SLC38A12: variants seen among roughly 807,000 people sequenced by gnomAD.
The protein encoded by SLC38A12 is solute carrier family 38 member 12.
At chr17:74,804,297 C>T in the SLC38A12 span, among the ~76,000 whole-genome samples, 1 of 152,280 alleles carries the variant, frequency 6.6e-6, no homozygotes, top group Non-Finnish European at 1.5e-5. Flanking sequence ...TTCGTGTGGC[C>T]AGTGTCCCAG....
the SLC38A12 span, among the ~76,000 whole-genome samples, chr17:74,786,483 C>T: frequency 2.6e-5 from 4 of 152,148 alleles, no homozygotes; most frequent in African/African-American, 9.7e-5. Context: ...GAAGTGACAG[C>T]GAGCAGTGAA....
At chr17:74,811,878 TA>T in the SLC38A12 span, among the ~76,000 whole-genome samples, 9 of 150,932 alleles carry the variant, frequency 6.0e-5, no homozygotes, top group African/African-American at 2.2e-4. Context: ...GCAAAAAAAA[TA>T]ATAATAATAA....
chr17:74,785,810 C>T, the SLC38A12 span: 2 of 558,942 alleles, frequency 3.6e-6, no homozygotes, highest in East Asian at 6.4e-5. Context: ...AGCGGTTGCA[C>T]AGCCCTGATC....
At chr17:74,790,315 G>C in the SLC38A12 span, 2 of 1,609,484 alleles carry the variant, frequency 1.2e-6, no homozygotes, top group Non-Finnish European at 1.7e-6. Flanking sequence ...TGGGGTTCTC[G>C]CGGGCCCGCA....
the SLC38A12 span, among the ~76,000 whole-genome samples, chr17:74,788,093 C>T: frequency 1.3e-5 from 2 of 152,178 alleles, no homozygotes; most frequent in Non-Finnish European, 2.9e-5. Context: ...CGCCCCTGGC[C>T]TCAAGTTTCT....
At chr17:74,795,174 C>T in the SLC38A12 span, 2 of 1,360,574 alleles carry the variant, frequency 1.5e-6, no homozygotes, top group Non-Finnish European at 2.1e-6. Flanking sequence ...CAAGTCAGGG[C>T]AGAGTGTCCA....
At chr17:74,804,021 C>T in the SLC38A12 span, among the ~76,000 whole-genome samples, 1 of 152,276 alleles carries the variant, frequency 6.6e-6, no homozygotes, top group African/African-American at 2.4e-5. Flanking sequence ...ATATTTTGTG[C>T]TAACTAAAAT....
chr17:74,794,208 G>A, the SLC38A12 span, among the ~76,000 whole-genome samples: 3 of 152,208 alleles, frequency 2.0e-5, no homozygotes, highest in African/African-American at 7.2e-5. Context: ...TCACCCTTAC[G>A]GGTTTGGAGA....
At chr17:74,790,989 C>G in the SLC38A12 span, 8 of 1,613,882 alleles carry the variant, frequency 5.0e-6, no homozygotes. Flanking sequence ...TTTGAAATCA[C>G]AGACCGGGTG....
chr17:74,821,874 C>T, the SLC38A12 span, among the ~76,000 whole-genome samples: 5 of 152,162 alleles, frequency 3.3e-5, no homozygotes, highest in South Asian at 2.1e-4. Flanking sequence ...GAAAGGGCCC[C>T]GTGGGCACTG....
the SLC38A12 span, chr17:74,791,131 C>A: frequency 9.0e-7 from 1 of 1,112,228 alleles, no homozygotes; most frequent in Non-Finnish European, 1.3e-6. Flanking sequence ...ACCCTGACAG[C>A]CAGACCATGG....
At chr17:74,806,041 C>T in the SLC38A12 span, among the ~76,000 whole-genome samples, 2 of 152,210 alleles carry the variant, frequency 1.3e-5, no homozygotes, top group Admixed American at 6.5e-5. Context: ...CACATCACCA[C>T]CAATGAATGT....
At chr17:74,786,705 CTGAA>C in the SLC38A12 span, among the ~76,000 whole-genome samples, 1 of 152,160 alleles carries the variant, frequency 6.6e-6, no homozygotes, top group Non-Finnish European at 1.5e-5. Context: ...GTACAGGAAG[CTGAA>C]TGGGATAGGA....
the SLC38A12 span, among the ~76,000 whole-genome samples, chr17:74,786,346 G>A: frequency 1.5e-5 from 1 of 65,866 alleles, no homozygotes; most frequent in East Asian, 4.8e-4. Flanking sequence ...ATGGGAAGGA[G>A]CACCTGGAAA....
At chr17:74,836,219 C>A in the SLC38A12 span, 2 of 1,611,778 alleles carry the variant, frequency 1.2e-6, no homozygotes, top group Non-Finnish European at 1.7e-6. This position sits in a 1 kb window ranked among gnomAD's most constrained non-coding sequence, Gnocchi z 4.2. Context: ...ACACCCTCAA[C>A]TTCGCGCGCT....
chr17:74,786,402 C>A, the SLC38A12 span, among the ~76,000 whole-genome samples: 1 of 152,218 alleles, frequency 6.6e-6, no homozygotes, highest in Admixed American at 6.5e-5. Flanking sequence ...CACCAAGCAC[C>A]CTTCTGGGTA....
chr17:74,824,074 G>A, the SLC38A12 span, among the ~76,000 whole-genome samples: 1 of 152,150 alleles, frequency 6.6e-6, no homozygotes, highest in Non-Finnish European at 1.5e-5. Flanking sequence ...ATGAGACTGG[G>A]GACATGACCT....
At chr17:74,795,078 C>A in the SLC38A12 span, 1 of 1,614,194 alleles carries the variant, frequency 6.2e-7, no homozygotes, top group Non-Finnish European at 8.5e-7. Context: ...ATCTATGCTG[C>A]TGCCGTGCCC....
At chr17:74,807,956 G>C in the SLC38A12 span, among the ~76,000 whole-genome samples, 2 of 152,216 alleles carry the variant, frequency 1.3e-5, no homozygotes, top group Admixed American at 6.5e-5. Context: ...GTGAAGAGCC[G>C]GGCTGTCCTC....
Sources: allele counts gnomAD v4.1 joint callset (sites outside exome capture counted in the v4.1 genomes callset), GRCh38; gene constraint gnomAD v4.1.1; non-coding constraint Gnocchi (gnomAD v3.1); transcripts MANE v1.5; gene names NCBI Gene and HGNC (gene_info 2026-07-23, HGNC 2026-07-21).